The following GOLGA8A variants were observed in gnomAD, a reference collection of about 807,000 sequenced individuals.
GOLGA8A encodes golgin A8 family member A, also known as golgin subfamily A member 8A.
GOLGA8A carries 3 observed loss-of-function variants against 22.1 expected under a neutral mutation model. The observed-to-expected ratio is 0.14, with a 90% CI of 0.06 to 0.35. GOLGA8A has a LOEUF of 0.35. GOLGA8A is among the 10% of genes least tolerant of loss of function. GOLGA8A has a pLI of 1.00. For missense variants in GOLGA8A, 16 were observed against 233.2 expected, an observed-to-expected ratio of 0.07 and a Z score of 6.07; for synonymous variants, 7 against 91.7, an observed-to-expected ratio of 0.08 and a Z score of 5.28.
intron 1 of GOLGA8A, 132 bp from the exon 2 acceptor site, chr15:34,435,603 T>C (rs199964131): frequency 2.0e-5 from 3 of 149,144 alleles, no homozygotes; most frequent in African/African-American, 2.5e-5. Flanking sequence ...GAGGAGCTGA[T>C]GGTCACCAGC....
rs2140272601 is a variant in GOLGA8A at position 34,421,490 on chromosome 15, A to G, written c.-1122-13755T>C. ...CCCAGGAAATGACGCACACGGGCTGATATTAAACCCACCCACACCAAGAAT... is the reference window on the plus strand; with the variant it reads ...CCCAGGAAATGACGCACACGGGCTGGTATTAAACCCACCCACACCAAGAAT... On this transcript the variant is annotated intron_variant, in intron 2 of 24. Coordinates refer to ENST00000359187, the MANE Select transcript of GOLGA8A (RefSeq NM_181077.5). Among the ~76,000 whole-genome samples the G allele has an allele frequency of 1.4e-5, 2 of 140,302 alleles. 1 individual carries two copies. The highest frequency in any genetic ancestry group is 4.4e-4 in the East Asian group (2 of 4,572). 92.0% of individuals were successfully genotyped at this position (140,302 alleles called of 152,430 possible). A position where few individuals can be genotyped will look rare whatever the true frequency, so the allele number is the denominator to read the frequency against.
At chr15:34,433,678 C>T (rs181642069) in intron 2 of GOLGA8A, among the ~76,000 whole-genome samples, 5 of 149,310 alleles carry the variant, frequency 3.3e-5, no homozygotes, top group East Asian at 2.0e-4. Context: ...CTACTGCTCC[C>T]GTGTTTCATT....
intron 2 of GOLGA8A, among the ~76,000 whole-genome samples, chr15:34,425,149 C>T (rs1235356864): frequency 1.4e-5 from 2 of 143,732 alleles, no homozygotes; most frequent in African/African-American, 2.5e-5. Flanking sequence ...GAAAGGTTGG[C>T]GGAGAATGAA....
At chr15:34,427,255 C>G (rs1280106889) in intron 2 of GOLGA8A, among the ~76,000 whole-genome samples, 2 of 141,796 alleles carry the variant, frequency 1.4e-5, no homozygotes, top group African/African-American at 5.4e-5. Flanking sequence ...GGCGTGAACC[C>G]AGGAGGTGGA....
Position 34,379,436 on chromosome 15 carries a change from T to A in GOLGA8A, c.*1975A>T, listed in dbSNP as rs1595631056. 6.6e-6 allele frequency: 1 copy of A among 152,592 alleles called. No homozygotes were observed. The highest frequency in any genetic ancestry group is 6.5e-5 in the Admixed American group (1 of 15,282). The allele number at this position is 152,592 out of a possible 1,614,324, so 9.5% of individuals were successfully genotyped here. On this transcript the variant is annotated 3_prime_UTR_variant, in exon 25 of 25. Transcript: ENST00000359187. ...ATCATACGACTGTTAATTAGCCGCA[T>A]TATTTGGTCTAACATTTTTTATCAT...
intron 1 of GOLGA8A, 37 bp downstream of exon 1, chr15:34,437,355 TGCCGCC>T (rs2140303367): frequency 7.1e-6 from 1 of 141,576 alleles, no homozygotes; most frequent in African/African-American, 2.6e-5. Flanking sequence ...GGCCCAAGGC[TGCCGCC>T]GCCAGCGAGT....
intron 2 of GOLGA8A, chr15:34,428,717 G>T (rs1204345127): frequency 1.4e-5 from 2 of 147,586 alleles, no homozygotes; most frequent in Admixed American, 6.9e-5. Context: ...GAAAGGGGAA[G>T]AGGGCCCAAG....
chr15:34,396,854 C>CA, intron 8 of GOLGA8A, among the ~76,000 whole-genome samples: 1 of 2,898 alleles, frequency 3.5e-4, no homozygotes, highest in Non-Finnish European at 1.0e-3. Flanking sequence ...CTCTGTGTAA[C>CA]ATATGGACTT....
At chr15:34,431,282 GA>G (rs1352458976) in intron 2 of GOLGA8A, among the ~76,000 whole-genome samples, 1 of 78,600 alleles carries the variant, frequency 1.3e-5, no homozygotes, top group African/African-American at 4.4e-5. Context: ...CCAACCAAAT[GA>G]AAAAAAATTA....
At chr15:34,436,296 A>G (rs1290150497) in intron 1 of GOLGA8A, among the ~76,000 whole-genome samples, 3 of 149,534 alleles carry the variant, frequency 2.0e-5, no homozygotes, top group African/African-American at 7.4e-5. Context: ...GAAGGAAAAT[A>G]GAAAAACAAA....
rs545711236 is a variant in GOLGA8A, at chr15:34,436,431, G to A, written c.-1211-960C>T. On this transcript the variant is annotated intron_variant, in intron 1 of 24. Coordinates refer to ENST00000359187, the MANE Select transcript of GOLGA8A (RefSeq NM_181077.5). ...CCGCATGCCTGTTTAGGAGCTGACT[G>A]CACTCAACCACAGATTTACGTCTGG... Among the ~76,000 whole-genome samples, 12 of 149,918 alleles carry A rather than the reference G, an allele frequency of 8.0e-5. 2 individuals are homozygous for A. The highest frequency in any genetic ancestry group is 2.7e-4 in the African/African-American group (11 of 40,782).
At chr15:34,429,477 G>A (rs918041950) in intron 2 of GOLGA8A, among the ~76,000 whole-genome samples, 1 of 147,352 alleles carries the variant, frequency 6.8e-6, no homozygotes, top group Non-Finnish European at 1.5e-5. Context: ...GGCTCTGAAC[G>A]GGCAAACCCA....
chr15:34,393,660 A>G (rs1412681990), intron 8 of GOLGA8A, among the ~76,000 whole-genome samples: 2 of 151,158 alleles, frequency 1.3e-5, no homozygotes, highest in South Asian at 2.1e-4. Flanking sequence ...TCCTAGGTTC[A>G]AGCGATACTC....
In GOLGA8A at chr15:34,380,519, A is replaced by C. The variant is rs1056338574; in HGVS notation, c.*892T>G. On this transcript the variant is annotated 3_prime_UTR_variant, in exon 25 of 25. Coordinates refer to ENST00000359187, the MANE Select transcript of GOLGA8A (RefSeq NM_181077.5). ...GACTTTAAAATGTATTGTAGATACA[A>C]ATGCTCTAAGCTAGGAAAGGTTTTT... is the stretch of plus-strand genomic sequence containing the variant. The C allele has an allele frequency of 2.0e-5, 3 of 152,282 alleles. No individual in the cohort carries two copies. Among genetic ancestry groups the C allele is most frequent in the African/African-American group, 7.2e-5 (3 of 41,474 alleles). The allele number at this position is 152,282 out of a possible 1,614,324, so 9.4% of individuals were successfully genotyped here.
In GOLGA8A at chr15:34,381,083, C is replaced by T. The variant is rs1033384232; in HGVS notation, c.*328G>A. ...AGCACGGGAGCCTATTCCAAACCAG[C>T]GAGAACAGTTTTGTGCAAAGAGTGG... is the stretch of plus-strand genomic sequence containing the variant. On this transcript the variant is annotated 3_prime_UTR_variant, in exon 25 of 25. Coordinates refer to ENST00000359187, the MANE Select transcript of GOLGA8A (RefSeq NM_181077.5). 35 of 411,294 alleles carry T rather than the reference C, an allele frequency of 8.5e-5. No homozygotes were observed. Among genetic ancestry groups the T allele is most frequent in the African/African-American group, 5.9e-4 (29 of 49,478 alleles). The allele number at this position is 411,294 out of a possible 1,614,324, so 25.5% of individuals were successfully genotyped here. A position where few individuals can be genotyped will look rare whatever the true frequency, so the allele number is the denominator to read the frequency against.
intron 2 of GOLGA8A, among the ~76,000 whole-genome samples, chr15:34,433,519 C>A (rs1893349758): frequency 1.3e-5 from 2 of 149,386 alleles, no homozygotes; most frequent in African/African-American, 4.9e-5. Context: ...CGACGTTGCA[C>A]TGTACAACTC....
intron 2 of GOLGA8A, among the ~76,000 whole-genome samples, chr15:34,427,501 C>A (rs1007280442): frequency 6.7e-6 from 1 of 148,470 alleles, no homozygotes; most frequent in African/African-American, 2.5e-5. Context: ...TCTAAAAATT[C>A]TTCCTTCCAG....
Position 34,429,169 on chromosome 15 carries a change from G to A in GOLGA8A, c.-1123+6214C>T, listed in dbSNP as rs370895969. Among the ~76,000 whole-genome samples, 15 of 147,006 alleles carry A rather than the reference G, an allele frequency of 1.0e-4. 1 individual carries two copies. The highest frequency in any genetic ancestry group is 8.1e-4 in the East Asian group (4 of 4,964). The stretch of plus-strand genomic sequence containing the variant: ...TGCACCTCTCAACACGCCCCTGACC[G>A]CGTCTTCCTCCCATGCTCTGAACTG... On this transcript the variant is annotated intron_variant, in intron 2 of 24. Transcript: ENST00000359187.
intron 2 of GOLGA8A, chr15:34,419,098 T>C (rs1892694049): frequency 7.4e-6 from 1 of 135,432 alleles, no homozygotes; most frequent in Non-Finnish European, 1.6e-5. Context: ...GAGACAGGGT[T>C]TCCCCATGTT....
Sources: allele counts gnomAD v4.1 joint callset (sites outside exome capture counted in the v4.1 genomes callset), GRCh38; gene constraint gnomAD v4.1.1; transcripts MANE v1.5; gene names NCBI Gene and HGNC (gene_info 2026-07-23, HGNC 2026-07-21).